Variants in COL10A1 observed in about 807,000 individuals in gnomAD.
COL10A1 encodes the protein collagen type X alpha 1 chain.
A neutral mutation model predicts 18.2 loss-of-function variants in COL10A1; 10 were observed. That is an observed-to-expected ratio of 0.55 (90% confidence interval 0.34 to 0.93). The LOEUF (loss-of-function observed/expected upper bound fraction) is 0.93, where lower values mean the gene tolerates loss of function less well. Ranked by LOEUF, COL10A1 falls within the 40% of genes least tolerant of loss-of-function variation. The pLI, the probability that COL10A1 is intolerant of heterozygous loss-of-function variation, is 0.02. For missense variants in COL10A1, 897 were observed against 853.5 expected (o/e 1.05, Z -0.64); for synonymous variants, 330 against 316.6 (o/e 1.04, Z -0.45).
chr6:116,135,872 T>TATATACACAC (rs368675402), intron 1 of COL10A1, among the ~76,000 whole-genome samples: 5 of 121,308 alleles, frequency 4.1e-5, no homozygotes, highest in African/African-American at 1.8e-4. Context: ...TATATATATA[T>TATATACACAC]ACACACATAC....
chr6:116,174,970 G>A, the COL10A1 span, among the ~76,000 whole-genome samples: 1 of 152,024 alleles, frequency 6.6e-6, no homozygotes, highest in South Asian at 2.1e-4. Context: ...TAAGGATTAG[G>A]TTATTGAATG....
the COL10A1 span, among the ~76,000 whole-genome samples, chr6:116,197,791 T>G: frequency 6.6e-6 from 1 of 152,102 alleles, no homozygotes; most frequent in Non-Finnish European, 1.5e-5. Context: ...GACTGATGGA[T>G]TGAAAGCGCT....
chr6:116,150,207 T>C lies in COL10A1; in HGVS notation c.-16+8407A>G, dbSNP rs73772287. Among the ~76,000 whole-genome samples the C allele has an allele frequency of 4.8e-3, 736 of 152,318 alleles. 12 individuals are homozygous for C. Among genetic ancestry groups the C allele is most frequent in the South Asian group, 0.043 (207 of 4,816 alleles). On this transcript the variant is annotated intron_variant, in intron 1 of 1. Coordinates refer to the COL10A1 transcript ENST00000418500. Reference sequence around the variant, plus strand: ...ATGTTTTTAAAACATTACTATGGCTTTCACATGGAGAGCATGCTGAGGGAG... The same window carrying C: ...ATGTTTTTAAAACATTACTATGGCTCTCACATGGAGAGCATGCTGAGGGAG...
intron 1 of COL10A1, among the ~76,000 whole-genome samples, chr6:116,144,274 G>A (rs1041383764): frequency 2.6e-5 from 4 of 152,094 alleles, no homozygotes; most frequent in South Asian, 2.1e-4. Flanking sequence ...AGGCCGAGGC[G>A]GGCGGATCAT....
chr6:116,139,677 CAT>C (rs1779714904), intron 1 of COL10A1, among the ~76,000 whole-genome samples: 1 of 152,078 alleles, frequency 6.6e-6, no homozygotes, highest in Non-Finnish European at 1.5e-5. Context: ...GCAAATTACA[CAT>C]GTGGGTCATG....
intron 1 of COL10A1, among the ~76,000 whole-genome samples, chr6:116,132,876 G>T (rs1779503856): frequency 6.6e-6 from 1 of 152,050 alleles, no homozygotes; most frequent in African/African-American, 2.4e-5. Flanking sequence ...AATTTTAAAA[G>T]AACATTCTTA....
chr6:116,205,185 C>T, the COL10A1 span, among the ~76,000 whole-genome samples: 1 of 152,022 alleles, frequency 6.6e-6, no homozygotes, highest in Admixed American at 6.6e-5. Context: ...AAACTAAAAA[C>T]CATGTCTTCA....
At chr6:116,153,953 G>A (rs1780116332) in intron 1 of COL10A1, among the ~76,000 whole-genome samples, 1 of 151,176 alleles carries the variant, frequency 6.6e-6, no homozygotes, top group South Asian at 2.1e-4. Context: ...GTGTAAAGCT[G>A]TATGTATTGC....
chr6:116,146,992 T>A (rs939652170), intron 1 of COL10A1, among the ~76,000 whole-genome samples: 9 of 96,452 alleles, frequency 9.3e-5, no homozygotes, highest in Admixed American at 5.9e-4. Flanking sequence ...ATGTATAAAA[T>A]AATATAAAAT....
At chr6:116,193,091 T>TGA in the COL10A1 span, among the ~76,000 whole-genome samples, 20 of 152,236 alleles carry the variant, frequency 1.3e-4, no homozygotes, top group South Asian at 3.7e-3. Context: ...GACTCTCATA[T>TGA]ATTACCTGAG....
At chr6:116,178,701 A>G in the COL10A1 span, among the ~76,000 whole-genome samples, 3 of 152,198 alleles carry the variant, frequency 2.0e-5, no homozygotes. Context: ...ACTTCCAGAA[A>G]TATAGAGCAG....
the COL10A1 span, among the ~76,000 whole-genome samples, chr6:116,196,446 A>G: frequency 7.2e-5 from 11 of 152,186 alleles, no homozygotes; most frequent in South Asian, 2.3e-3. Flanking sequence ...TCCCCAAACT[A>G]TAAATCAACC....
At chr6:116,187,564 G>A in the COL10A1 span, among the ~76,000 whole-genome samples, 1 of 152,094 alleles carries the variant, frequency 6.6e-6, no homozygotes, top group African/African-American at 2.4e-5. Context: ...AAAGACCTTT[G>A]CAGTTGTAGA....
At chr6:116,182,526 C>T in the COL10A1 span, among the ~76,000 whole-genome samples, 35,672 of 152,004 alleles carry the variant, frequency 0.23, 4,465 homozygotes, top group Middle Eastern at 0.34. Flanking sequence ...GTTCCCTTTT[C>T]ACCACATCCA....
intron 1 of COL10A1, among the ~76,000 whole-genome samples, chr6:116,131,475 GT>G (rs752975722): frequency 6.6e-5 from 10 of 152,138 alleles, no homozygotes; most frequent in Non-Finnish European, 1.3e-4. Context: ...AAATGACTCA[GT>G]TTTTCTTGAC....
the COL10A1 span, among the ~76,000 whole-genome samples, chr6:116,178,052 A>AGTGTGTGTGT: frequency 0.014 from 1,875 of 136,244 alleles, 22 homozygotes; most frequent in African/African-American, 0.028. Flanking sequence ...CAAAGAGGAA[A>AGTGTGTGTGT]GTGTGTGTGT....
chr6:116,131,907 T>C (rs1261283752), intron 1 of COL10A1, among the ~76,000 whole-genome samples: 3 of 152,296 alleles, frequency 2.0e-5, no homozygotes, highest in African/African-American at 2.4e-5. Context: ...CTCCTACTTA[T>C]AAGTGAGAAC....
chr6:116,198,196 C>T, the COL10A1 span, among the ~76,000 whole-genome samples: 1 of 152,022 alleles, frequency 6.6e-6, no homozygotes, highest in South Asian at 2.1e-4. Flanking sequence ...GAGTAGTGAA[C>T]AACAGTTTCT....
chr6:116,124,830 A>G (rs941590555), intron 2 of COL10A1, among the ~76,000 whole-genome samples: 1 of 152,244 alleles, frequency 6.6e-6, no homozygotes, highest in Non-Finnish European at 1.5e-5. Flanking sequence ...GGCAATTCTC[A>G]TAATTACATT....
Sources: gnomAD v4.1 joint callset for allele counts (sites outside exome capture counted in the v4.1 genomes callset) on GRCh38, gnomAD v4.1.1 for gene constraint, MANE v1.5 for transcripts, NCBI Gene and HGNC (gene_info 2026-07-23, HGNC 2026-07-21) for gene names.